SLC71A2: variants seen among roughly 807,000 people sequenced by gnomAD.
SLC71A2 encodes the protein hippocampus abundant transcript-like 1.
At chr9:94,459,035 A>T in the SLC71A2 span, 1 of 1,055,174 alleles carries the variant, frequency 9.5e-7, no homozygotes, top group Non-Finnish European at 1.4e-6. Context: ...ACATTTAATG[A>T]AACATTTGCT....
the SLC71A2 span, among the ~76,000 whole-genome samples, chr9:94,388,697 T>TA: frequency 6.6e-6 from 1 of 152,126 alleles, no homozygotes; most frequent in Non-Finnish European, 1.5e-5. Context: ...GAAGGGTTTA[T>TA]ACCAAACTTT....
the SLC71A2 span, among the ~76,000 whole-genome samples, chr9:94,430,515 G>A: frequency 1.6e-4 from 24 of 152,260 alleles, no homozygotes; most frequent in Middle Eastern, 3.4e-3. Context: ...GAGCCACTGC[G>A]CCTGGCCTGT....
At chr9:94,422,225 G>T in the SLC71A2 span, among the ~76,000 whole-genome samples, 10 of 152,188 alleles carry the variant, frequency 6.6e-5, no homozygotes, top group Non-Finnish European at 1.2e-4. Context: ...ACTCCACTGG[G>T]AGAGGACTCT....
At chr9:94,398,401 C>T in the SLC71A2 span, among the ~76,000 whole-genome samples, 4 of 151,930 alleles carry the variant, frequency 2.6e-5, no homozygotes, top group Admixed American at 2.0e-4. Context: ...ACAAAGTTTC[C>T]GTAGCTTATA....
At chr9:94,416,406 G>T in the SLC71A2 span, among the ~76,000 whole-genome samples, 30 of 152,076 alleles carry the variant, frequency 2.0e-4, no homozygotes, top group African/African-American at 7.0e-4. Context: ...TCATCATTTT[G>T]CCTTACTAAA....
the SLC71A2 span, among the ~76,000 whole-genome samples, chr9:94,397,215 A>T: frequency 6.6e-6 from 1 of 152,172 alleles, no homozygotes; most frequent in Admixed American, 6.5e-5. Context: ...GATAGCATAG[A>T]GTTTTCCTAT....
chr9:94,389,085 T>A, the SLC71A2 span, among the ~76,000 whole-genome samples: 1 of 151,746 alleles, frequency 6.6e-6, no homozygotes, highest in African/African-American at 2.4e-5. Flanking sequence ...TCAGTATATG[T>A]ATGAGAGCAC....
the SLC71A2 span, among the ~76,000 whole-genome samples, chr9:94,396,834 G>T: frequency 6.6e-6 from 1 of 152,128 alleles, no homozygotes; most frequent in Non-Finnish European, 1.5e-5. Context: ...GCACTGGCAG[G>T]ATCTCGGCTT....
the SLC71A2 span, among the ~76,000 whole-genome samples, chr9:94,440,678 G>T: frequency 6.6e-6 from 1 of 151,710 alleles, no homozygotes; most frequent in Non-Finnish European, 1.5e-5. Context: ...TATTTGAGAA[G>T]TTTTTTTTCT....
the SLC71A2 span, among the ~76,000 whole-genome samples, chr9:94,403,581 A>G: frequency 6.6e-6 from 1 of 151,534 alleles, no homozygotes; most frequent in East Asian, 1.9e-4. Context: ...TAAGTTGAAC[A>G]CTTGGGTTGC....
chr9:94,396,431 C>T, the SLC71A2 span, among the ~76,000 whole-genome samples: 1 of 152,234 alleles, frequency 6.6e-6, no homozygotes, highest in Admixed American at 6.5e-5. Context: ...ATGAAAATGT[C>T]TTGAACCCAG....
the SLC71A2 span, among the ~76,000 whole-genome samples, chr9:94,390,669 G>A: frequency 6.6e-6 from 1 of 152,204 alleles, no homozygotes; most frequent in African/African-American, 2.4e-5. Flanking sequence ...TTTTTGTCTA[G>A]TGTAGACATG....
the SLC71A2 span, among the ~76,000 whole-genome samples, chr9:94,399,984 T>A: frequency 6.6e-6 from 1 of 152,016 alleles, no homozygotes; most frequent in Non-Finnish European, 1.5e-5. Flanking sequence ...TAATTTTGTA[T>A]TTTTAGTAGA....
chr9:94,407,380 T>C, the SLC71A2 span, among the ~76,000 whole-genome samples: 3 of 151,302 alleles, frequency 2.0e-5, no homozygotes, highest in Non-Finnish European at 4.4e-5. Context: ...TCTGTAGTTT[T>C]CTTTTTTTTT....
chr9:94,441,703 T>A, the SLC71A2 span, among the ~76,000 whole-genome samples: 1 of 152,192 alleles, frequency 6.6e-6, no homozygotes, highest in East Asian at 1.9e-4. Context: ...TTAACTCTAT[T>A]AGTGGTTGTG....
At chr9:94,450,540 A>T in the SLC71A2 span, among the ~76,000 whole-genome samples, 71,563 of 139,922 alleles carry the variant, frequency 0.51, 18,165 homozygotes, top group Admixed American at 0.61. Context: ...CCCAGGCTGG[A>T]ATACAGTGGC....
chr9:94,402,033 A>G, the SLC71A2 span, among the ~76,000 whole-genome samples: 1 of 152,152 alleles, frequency 6.6e-6, no homozygotes, highest in Admixed American at 6.5e-5. Flanking sequence ...AGCAGTGACG[A>G]TGACCAGAGA....
At chr9:94,385,420 TTC>T in the SLC71A2 span, among the ~76,000 whole-genome samples, 2 of 152,170 alleles carry the variant, frequency 1.3e-5, no homozygotes, top group African/African-American at 2.4e-5. Flanking sequence ...AAAGCCCAAC[TTC>T]TCTCTCTCTT....
chr9:94,460,626 C>T, the SLC71A2 span: 7 of 152,450 alleles, frequency 4.6e-5, no homozygotes, highest in Non-Finnish European at 5.9e-5. Flanking sequence ...TAACAGAGCA[C>T]CCCTTTGAAA....
Sources: gnomAD v4.1 joint callset for allele counts (sites outside exome capture counted in the v4.1 genomes callset) on GRCh38, gnomAD v4.1.1 for gene constraint, MANE v1.5 for transcripts, NCBI Gene and HGNC (gene_info 2026-07-23, HGNC 2026-07-21) for gene names.